Variants in DNAH11 observed in about 807,000 individuals in gnomAD.
DNAH11 encodes dynein axonemal heavy chain 11.
DNAH11 carries 442 observed loss-of-function variants against 526.0 expected under a neutral mutation model. That is an observed-to-expected ratio of 0.84 (90% CI 0.78 to 0.91). The LOEUF is 0.91. DNAH11 is among the 40% of genes least tolerant of loss of function. The pLI is 0.00. For synonymous variants in DNAH11, 2,461 were observed against 1,935.9 expected (o/e 1.27, Z -7.12); for missense variants, 6,989 against 5,448.7 (o/e 1.28, Z -8.90).
chr7:21,552,106 C>T (rs1223273179), intron 2 of DNAH11, among the ~76,000 whole-genome samples: 1 of 152,078 alleles, frequency 6.6e-6, no homozygotes, highest in African/African-American at 2.4e-5. Flanking sequence ...GTTCCCTCTT[C>T]CCTCCCCAGG....
intron 63 of DNAH11, among the ~76,000 whole-genome samples, chr7:21,814,776 C>T (rs1044095057): frequency 2.0e-5 from 3 of 151,798 alleles, no homozygotes; most frequent in Admixed American, 1.3e-4. Flanking sequence ...TATCATATGG[C>T]GCTTGCCTGT....
intron 20 of DNAH11, among the ~76,000 whole-genome samples, chr7:21,612,094 TTAA>T (rs1425596705): frequency 6.6e-6 from 1 of 152,098 alleles, no homozygotes; most frequent in Non-Finnish European, 1.5e-5. Context: ...TAGAGCACTA[TTAA>T]TAAGAAACTT....
At chr7:21,606,614 A>AATTT in intron 19 of DNAH11, 33 bp from the exon 20 acceptor site, 2 of 1,126,668 alleles carry the variant, frequency 1.8e-6, no homozygotes, top group Non-Finnish European at 2.4e-6. Flanking sequence ...TTTGAAATTC[A>AATTT]CTTTTTTTTT....
At chr7:21,690,932 T>C in intron 35 of DNAH11, 51 bp downstream of exon 35, 1 of 1,380,294 alleles carries the variant, frequency 7.2e-7, no homozygotes, top group Non-Finnish European at 1.0e-6. Flanking sequence ...TGCCACCTAA[T>C]GTTGTTGGTT....
At chr7:21,789,763 C>CTT (rs1482629047) in intron 61 of DNAH11, among the ~76,000 whole-genome samples, 8 of 73,050 alleles carry the variant, frequency 1.1e-4, no homozygotes, top group African/African-American at 2.2e-4. Context: ...ATTTCTTTCT[C>CTT]TCTTTCTTTC....
intron 35 of DNAH11, among the ~76,000 whole-genome samples, chr7:21,693,777 T>C (rs1054748494): frequency 6.6e-6 from 1 of 152,178 alleles, no homozygotes; most frequent in Non-Finnish European, 1.5e-5. Flanking sequence ...ATTCTCACAC[T>C]GCTATAAGTA....
rs72655985 is a variant in DNAH11, at chr7:21,572,008, A to G, written c.1593+35A>G. 0.045 allele frequency: 65,174 copies of G among 1,449,964 alleles called. 1,636 individuals carry two copies. Among genetic ancestry groups the G allele is most frequent in the South Asian group, 0.056 (3,337 of 60,048 alleles). The allele number at this position is 1,449,964 out of a possible 1,614,324, so 89.8% of individuals were successfully genotyped here. Reference sequence around the variant, plus strand: ...TACCTTTGCATTTTCATTGCATGGGATCCTATAATTTTATAGCTGAAAAGG... The same window carrying G: ...TACCTTTGCATTTTCATTGCATGGGGTCCTATAATTTTATAGCTGAAAAGG... On this transcript the variant is annotated intron_variant, in intron 8 of 81. Coordinates refer to ENST00000409508, the MANE Select transcript of DNAH11 (RefSeq NM_001277115.2).
intron 43 of DNAH11, among the ~76,000 whole-genome samples, chr7:21,718,474 A>C (rs1350401965): frequency 6.6e-6 from 1 of 152,138 alleles, no homozygotes; most frequent in Non-Finnish European, 1.5e-5. Context: ...CCCCCTCCCA[A>C]AAATATTCAT....
At chr7:21,798,533 G>T (rs946657905) in intron 61 of DNAH11, among the ~76,000 whole-genome samples, 6 of 152,220 alleles carry the variant, frequency 3.9e-5, no homozygotes, top group African/African-American at 1.4e-4. Flanking sequence ...TTTGTGAAAT[G>T]CCTTCCATTA....
At chr7:21,833,708 T>G (rs1223492313) in intron 65 of DNAH11, among the ~76,000 whole-genome samples, 1 of 151,572 alleles carries the variant, frequency 6.6e-6, no homozygotes, top group Non-Finnish European at 1.5e-5. Context: ...AAATAAAAAA[T>G]AAAAATAAAT....
At chr7:21,639,920 T>C (rs1787044878) in intron 28 of DNAH11, among the ~76,000 whole-genome samples, 1 of 152,222 alleles carries the variant, frequency 6.6e-6, no homozygotes, top group Non-Finnish European at 1.5e-5. Context: ...TGCCATTTTC[T>C]TTAGAATCTG....
rs76060569 is a variant in DNAH11 at position 21,839,997 on chromosome 7, A to C, written c.10692-2547A>C. Among the ~76,000 whole-genome samples, 1,379 of 152,350 alleles carry C rather than the reference A, an allele frequency of 9.1e-3. 25 individuals are homozygous for C. The highest frequency in any genetic ancestry group is 0.03 in the African/African-American group (1,253 of 41,580). The stretch of plus-strand genomic sequence containing the variant: ...TAAATAGTCTTTACACATTAAAACC[A>C]GTTGTCTCATTAAAAATGTTTCCAG... On this transcript the variant is annotated intron_variant, in intron 65 of 81. Transcript: ENST00000409508.
intron 66 of DNAH11, among the ~76,000 whole-genome samples, chr7:21,846,956 T>C (rs959456514): frequency 2.0e-5 from 3 of 152,192 alleles, no homozygotes; most frequent in Non-Finnish European, 4.4e-5. Flanking sequence ...TCACTTCATC[T>C]AAGTTATCAA....
At chr7:21,612,165 A>G (rs539445529) in intron 20 of DNAH11, among the ~76,000 whole-genome samples, 1 of 152,346 alleles carries the variant, frequency 6.6e-6, no homozygotes, top group East Asian at 1.9e-4. Flanking sequence ...CTGTCTCAGT[A>G]AATCTGAGTA....
At chr7:21,738,891 CT>C in intron 47 of DNAH11, 25 bp downstream of exon 47, 1 of 1,527,492 alleles carries the variant, frequency 6.5e-7, no homozygotes, top group Non-Finnish European at 8.8e-7. Flanking sequence ...GTAGTTTACT[CT>C]CTCCCAAAAT....
intron 14 of DNAH11, among the ~76,000 whole-genome samples, chr7:21,592,626 G>A (rs1784730213): frequency 1.3e-5 from 2 of 152,240 alleles, no homozygotes; most frequent in South Asian, 4.1e-4. Flanking sequence ...CAAAGAAGTG[G>A]TTGGCAGGGA....
chr7:21,883,525 T>G (rs1266907587), intron 75 of DNAH11, among the ~76,000 whole-genome samples: 2 of 152,260 alleles, frequency 1.3e-5, no homozygotes, highest in African/African-American at 4.8e-5. Flanking sequence ...CCTGGACTTT[T>G]GGAAAATACT....
rs1229144054 is a variant in DNAH11, at chr7:21,600,554, A to G, written c.3001-122A>G. 7 of 1,164,558 alleles carry G rather than the reference A, an allele frequency of 6.0e-6. No individual in the cohort carries two copies. The African/African-American group carries it at 7.9e-5, about 13-fold the overall frequency. The allele number at this position is 1,164,558 out of a possible 1,614,324, so 72.1% of individuals were successfully genotyped here. ...GAAAAGAGAAGTTGGAAAAAGCAAC[A>G]TGATTTTTAATTTTTCTAACTACTC... On this transcript the variant is annotated intron_variant, in intron 15 of 81. Coordinates refer to ENST00000409508, the MANE Select transcript of DNAH11 (RefSeq NM_001277115.2).
chr7:21,694,899 G>T (rs767327491), intron 35 of DNAH11, among the ~76,000 whole-genome samples: 1 of 152,112 alleles, frequency 6.6e-6, no homozygotes, highest in Non-Finnish European at 1.5e-5. Flanking sequence ...ATTTTAACTG[G>T]CATGAGATGA....
Sources: gnomAD v4.1 joint callset for allele counts (sites outside exome capture counted in the v4.1 genomes callset) on GRCh38, gnomAD v4.1.1 for gene constraint, MANE v1.5 for transcripts, NCBI Gene and HGNC (gene_info 2026-07-23, HGNC 2026-07-21) for gene names.